Variants in SNTG2 observed in about 807,000 individuals in gnomAD.
The protein encoded by SNTG2 is gamma-2-syntrophin.
A neutral mutation model predicts 70.9 loss-of-function variants in SNTG2; 74 were observed. The observed-to-expected ratio is 1.04, with a 90% CI of 0.86 to 1.27. The LOEUF (loss-of-function observed/expected upper bound fraction) is 1.27, where lower values mean the gene tolerates loss of function less well. Ranked by LOEUF, SNTG2 falls within the 50% of genes most tolerant of loss-of-function variation. The pLI is 0.00. For synonymous variants in SNTG2, 278 were observed against 273.8 expected (o/e 1.02, Z -0.15); for missense variants, 717 against 690.7 (o/e 1.04, Z -0.43).
intron 16 of SNTG2, among the ~76,000 whole-genome samples, chr2:1,359,207 A>G (rs986937313): frequency 1.3e-5 from 2 of 152,268 alleles, no homozygotes; most frequent in South Asian, 2.1e-4. Flanking sequence ...AAAATTTTGT[A>G]TATGAAACAT....
chr2:1,059,853 C>A (rs898553219), intron 1 of SNTG2, among the ~76,000 whole-genome samples: 2 of 152,036 alleles, frequency 1.3e-5, no homozygotes, highest in Non-Finnish European at 2.9e-5. Context: ...TTAATTACTA[C>A]AACATACCAT....
chr2:1,294,708 G>T (rs1680129018), intron 14 of SNTG2, among the ~76,000 whole-genome samples: 1 of 152,206 alleles, frequency 6.6e-6, no homozygotes, highest in South Asian at 2.1e-4. Flanking sequence ...ATGGTAAACG[G>T]TCATTTCAGG....
chr2:1,245,841 C>T (rs1677390737), intron 11 of SNTG2, among the ~76,000 whole-genome samples: 1 of 152,170 alleles, frequency 6.6e-6, no homozygotes, highest in Admixed American at 6.5e-5. Context: ...CAGCTAGTGC[C>T]TTATGAGGGA....
intron 1 of SNTG2, among the ~76,000 whole-genome samples, chr2:966,527 A>G (rs1422354404): frequency 6.6e-6 from 1 of 152,260 alleles, no homozygotes; most frequent in Non-Finnish European, 1.5e-5. Flanking sequence ...TTTATAATGC[A>G]TAATTCATAA....
At chr2:1,301,604 A>G (rs11896124) in intron 14 of SNTG2, among the ~76,000 whole-genome samples, 44,019 of 152,020 alleles carry the variant, frequency 0.29, 6,913 homozygotes, top group East Asian at 0.56. Flanking sequence ...GAAAAATAAT[A>G]CAGCCCTTAG....
chr2:1,150,919 A>AC (rs11409799), intron 6 of SNTG2, among the ~76,000 whole-genome samples: 142,373 of 152,056 alleles, frequency 0.94, 66,781 homozygotes, highest in Non-Finnish European at 0.97. Flanking sequence ...CGGCTGCTGA[A>AC]CCGAGCTCCA....
intron 8 of SNTG2, among the ~76,000 whole-genome samples, chr2:1,191,492 G>T (rs1395108006): frequency 6.6e-6 from 1 of 152,130 alleles, no homozygotes; most frequent in Non-Finnish European, 1.5e-5. Context: ...GCTGTAATGG[G>T]ATTAGAAATG....
intron 8 of SNTG2, among the ~76,000 whole-genome samples, chr2:1,183,089 G>A (rs997701275): frequency 1.1e-4 from 16 of 152,062 alleles, no homozygotes; most frequent in African/African-American, 3.4e-4. Flanking sequence ...CCATAGATTC[G>A]TTTTGCCTGT....
intron 4 of SNTG2, among the ~76,000 whole-genome samples, chr2:1,132,166 A>G (rs1668059481): frequency 6.6e-6 from 1 of 151,200 alleles, no homozygotes; most frequent in Non-Finnish European, 1.5e-5. Flanking sequence ...ATTAGAGCTT[A>G]TTTAATCAGA....
chr2:1,100,287 C>T (rs932976904), intron 4 of SNTG2, among the ~76,000 whole-genome samples: 5 of 152,064 alleles, frequency 3.3e-5, no homozygotes, highest in African/African-American at 1.2e-4. Flanking sequence ...CTGCCTCAGC[C>T]TCCCGAGTGG....
intron 2 of SNTG2, among the ~76,000 whole-genome samples, chr2:1,084,731 C>T (rs905648161): frequency 1.3e-5 from 2 of 152,224 alleles, no homozygotes; most frequent in Admixed American, 6.5e-5. Flanking sequence ...GATCAAGGTG[C>T]CCGCAGGCTG....
chr2:1,180,272 G>A (rs1295503641), intron 8 of SNTG2, among the ~76,000 whole-genome samples: 274 of 124,706 alleles, frequency 2.2e-3, no homozygotes, highest in South Asian at 4.7e-3. Flanking sequence ...CCATCAGAGT[G>A]AACAGGCAAC....
At chr2:1,043,594 G>A (rs1661566051) in intron 1 of SNTG2, among the ~76,000 whole-genome samples, 1 of 152,058 alleles carries the variant, frequency 6.6e-6, no homozygotes. Flanking sequence ...TTTGTATGTG[G>A]TAAAAGGAAG....
chr2:990,519 C>T (rs1251789988), intron 1 of SNTG2, among the ~76,000 whole-genome samples: 1 of 152,192 alleles, frequency 6.6e-6, no homozygotes, highest in East Asian at 1.9e-4. Context: ...TACAGGGGCA[C>T]AGATCACATG....
chr2:1,059,243 G>A (rs1359360584), intron 1 of SNTG2: 1 of 152,124 alleles, frequency 6.6e-6, no homozygotes, highest in African/African-American at 2.4e-5. Context: ...GAGCTGGAGT[G>A]AATATTCTAC....
intron 8 of SNTG2, among the ~76,000 whole-genome samples, chr2:1,188,088 C>A (rs1179965250): frequency 6.6e-6 from 1 of 152,144 alleles, no homozygotes; most frequent in Non-Finnish European, 1.5e-5. Flanking sequence ...TTGACTGTGT[C>A]CAGTGTCTTA....
intron 1 of SNTG2, among the ~76,000 whole-genome samples, chr2:1,048,150 CTCTT>C (rs1281089382): frequency 1.3e-5 from 2 of 152,072 alleles, no homozygotes; most frequent in Non-Finnish European, 2.9e-5. Context: ...TTCGCATTGT[CTCTT>C]TCTATTGATA....
chr2:1,366,944 G>A (rs375034105), intron 16 of SNTG2, among the ~76,000 whole-genome samples: 4 of 152,222 alleles, frequency 2.6e-5, no homozygotes, highest in East Asian at 1.9e-4. Context: ...GGTCTGCTGC[G>A]ACGGGATCCA....
At chr2:1,069,371 A>C (rs1035928653) in intron 1 of SNTG2, among the ~76,000 whole-genome samples, 1 of 151,888 alleles carries the variant, frequency 6.6e-6, no homozygotes, top group African/African-American at 2.4e-5. Context: ...CTTCTGATTT[A>C]CATTCTGAAA....
Sources: gnomAD v4.1 joint callset for allele counts (sites outside exome capture counted in the v4.1 genomes callset) on GRCh38, gnomAD v4.1.1 for gene constraint, MANE v1.5 for transcripts, NCBI Gene and HGNC (gene_info 2026-07-23, HGNC 2026-07-21) for gene names.